Variants in MSRA observed in about 807,000 individuals in gnomAD.
The protein encoded by MSRA is methionine sulfoxide reductase A.
Under a neutral mutation model 31.3 loss-of-function variants are expected in MSRA, and 54 were observed. The observed-to-expected ratio is 1.73, with a 90% CI of 1.39 to 2.17. MSRA has a LOEUF of 2.17. MSRA is among the 30% of genes most tolerant of loss of function. The pLI is 0.00. For synonymous variants in MSRA, 169 were observed against 116.5 expected (o/e 1.45, Z -2.90); for missense variants, 507 against 300.9 (o/e 1.69, Z -5.07).
At chr8:10,367,278 G>C (rs1409207841) in intron 5 of MSRA, among the ~76,000 whole-genome samples, 1 of 152,150 alleles carries the variant, frequency 6.6e-6, no homozygotes, top group Non-Finnish European at 1.5e-5. Context: ...CAGAAAGAGA[G>C]ACCACAGTCA....
At chr8:10,385,638 C>G (rs112210091) in intron 5 of MSRA, among the ~76,000 whole-genome samples, 2,334 of 152,234 alleles carry the variant, frequency 0.015, 64 homozygotes, top group African/African-American at 0.053. Context: ...GTGGGGGACA[C>G]ATGGCATTTG....
chr8:10,163,572 C>T (rs951184038), intron 1 of MSRA, among the ~76,000 whole-genome samples: 6 of 152,216 alleles, frequency 3.9e-5, no homozygotes, highest in Admixed American at 2.6e-4. Context: ...TTCTGCCCCA[C>T]GCTGGAAAGT....
chr8:10,131,313 C>A (rs1198776989), intron 1 of MSRA, among the ~76,000 whole-genome samples: 1 of 152,176 alleles, frequency 6.6e-6, no homozygotes, highest in Non-Finnish European at 1.5e-5. Context: ...GAAGAAATTA[C>A]TTCTAGCTGA....
intron 5 of MSRA, among the ~76,000 whole-genome samples, chr8:10,376,720 A>C (rs1476472489): frequency 6.6e-6 from 1 of 152,202 alleles, no homozygotes; most frequent in East Asian, 1.9e-4. Flanking sequence ...CAACTCTTAG[A>C]ACTACCAGTG....
At chr8:10,083,041 A>C (rs1425915361) in intron 1 of MSRA, among the ~76,000 whole-genome samples, 1 of 152,232 alleles carries the variant, frequency 6.6e-6, no homozygotes, top group African/African-American at 2.4e-5. Context: ...CTGGGGGTGC[A>C]TTTATCAAGA....
intron 3 of MSRA, among the ~76,000 whole-genome samples, chr8:10,281,147 A>G (rs569054314): frequency 6.6e-6 from 1 of 152,330 alleles, no homozygotes; most frequent in South Asian, 2.1e-4. Flanking sequence ...GGTGGATTGT[A>G]TAGTATGTGA....
At chr8:10,073,759 C>G (rs997156584) in intron 1 of MSRA, among the ~76,000 whole-genome samples, 2 of 152,058 alleles carry the variant, frequency 1.3e-5, no homozygotes, top group African/African-American at 2.4e-5. Flanking sequence ...GTCTGTATTT[C>G]TATCAACGGT....
At chr8:10,136,930 G>A (rs1287742935) in intron 1 of MSRA, among the ~76,000 whole-genome samples, 1 of 152,218 alleles carries the variant, frequency 6.6e-6, no homozygotes, top group Non-Finnish European at 1.5e-5. Context: ...ACGGCAAATA[G>A]TCTGTCAAAC....
At chr8:10,394,228 A>T (rs924060292) in intron 5 of MSRA, among the ~76,000 whole-genome samples, 1 of 152,246 alleles carries the variant, frequency 6.6e-6, no homozygotes, top group Non-Finnish European at 1.5e-5. Context: ...AGCGAAACCA[A>T]AGTTAATACT....
intron 1 of MSRA, among the ~76,000 whole-genome samples, chr8:10,184,537 T>C (rs1806850078): frequency 6.6e-6 from 1 of 152,158 alleles, no homozygotes; most frequent in South Asian, 2.1e-4. Flanking sequence ...TCTAGGGTTA[T>C]TATTATTTTT....
chr8:10,415,232 G>A (rs747378090), intron 5 of MSRA, among the ~76,000 whole-genome samples: 18 of 152,172 alleles, frequency 1.2e-4, no homozygotes, highest in African/African-American at 3.1e-4. Context: ...CACGATGTGC[G>A]GTAGAGAAGG....
At chr8:10,428,118 A>G (rs955433484) in intron 5 of MSRA, 30 bp from the exon 6 acceptor site, 1 of 1,600,770 alleles carries the variant, frequency 6.2e-7, no homozygotes, top group Non-Finnish European at 8.5e-7. Context: ...CTAGCATGGG[A>G]GCTGATGGCG....
At chr8:10,235,259 G>T (rs1338797874) in intron 2 of MSRA, among the ~76,000 whole-genome samples, 4 of 152,030 alleles carry the variant, frequency 2.6e-5, no homozygotes, top group Non-Finnish European at 4.4e-5. Flanking sequence ...AAATTGTGAA[G>T]GTAGTATAAC....
intron 3 of MSRA, 106 bp downstream of exon 3, chr8:10,245,329 G>A (rs928189784): frequency 2.8e-6 from 3 of 1,080,322 alleles, no homozygotes; most frequent in Non-Finnish European, 4.0e-6. Flanking sequence ...TTTTAAAAAT[G>A]TTTCTTCAAT....
Position 10,207,902 on chromosome 8 carries a change from G to A in MSRA, c.211+1G>A, listed in dbSNP as rs143102963. ...GAGGGAACACAGATGGCTGTATTTG[G>A]TAAGATATCAATTCTGAAAGAAAAC... On this transcript the variant is annotated splice_donor_variant, in intron 2 of 5. Coordinates refer to ENST00000317173, the MANE Select transcript of MSRA (RefSeq NM_012331.5). LOFTEE classifies it high-confidence loss of function. The A allele has an allele frequency of 6.2e-6, 10 of 1,610,170 alleles. No homozygotes were observed. The African/African-American group carries it at 1.3e-4, about 22-fold the overall frequency.
intron 4 of MSRA, among the ~76,000 whole-genome samples, chr8:10,319,168 G>A (rs1378485156): frequency 6.6e-6 from 1 of 152,140 alleles, no homozygotes; most frequent in Non-Finnish European, 1.5e-5. Flanking sequence ...TATTAGGAAT[G>A]TGACTAGCTG....
intron 5 of MSRA, among the ~76,000 whole-genome samples, chr8:10,340,257 G>A (rs1803340066): frequency 6.6e-6 from 1 of 151,992 alleles, no homozygotes. Context: ...AGGTGTCCGT[G>A]CTTTTATGGG....
intron 5 of MSRA, among the ~76,000 whole-genome samples, chr8:10,339,744 T>A (rs1803298507): frequency 6.6e-6 from 1 of 151,342 alleles, no homozygotes; most frequent in African/African-American, 2.4e-5. Context: ...GGTTTCACCG[T>A]GTTAGCCAGG....
intron 1 of MSRA, among the ~76,000 whole-genome samples, chr8:10,091,973 A>C (rs546249909): frequency 2.0e-4 from 30 of 152,192 alleles, no homozygotes; most frequent in Admixed American, 5.9e-4. Context: ...ATTAATTCAT[A>C]TTCCTTTCAA....
Sources: allele counts gnomAD v4.1 joint callset (sites outside exome capture counted in the v4.1 genomes callset), GRCh38; gene constraint gnomAD v4.1.1; transcripts MANE v1.5; gene names NCBI Gene and HGNC (gene_info 2026-07-23, HGNC 2026-07-21).